The following CD2AP variants were observed in gnomAD, a reference collection of about 807,000 sequenced individuals.
The protein encoded by CD2AP is CD2-associated protein.
A neutral mutation model predicts 85.1 loss-of-function variants in CD2AP; 46 were observed. That is an observed-to-expected ratio of 0.54 (90% CI 0.43 to 0.69). The LOEUF (loss-of-function observed/expected upper bound fraction) is 0.69. Among genes scored for constraint, CD2AP ranks in the 30% least tolerant of loss-of-function variants. The pLI, the probability that CD2AP is intolerant of heterozygous loss-of-function variation, is 0.00. For missense variants in CD2AP, 769 were observed against 729.5 expected, an observed-to-expected ratio of 1.05 and a Z score of -0.62; for synonymous variants, 255 against 252.9, an observed-to-expected ratio of 1.01 and a Z score of -0.08.
At chr6:47,593,329 AT>A (rs1248714258) in intron 11 of CD2AP, among the ~76,000 whole-genome samples, 2 of 152,188 alleles carry the variant, frequency 1.3e-5, no homozygotes, top group Non-Finnish European at 2.9e-5. Flanking sequence ...GAGAAATCTT[AT>A]GAGATTTGCA....
chr6:47,478,884 G>GAGC (rs1352810325), intron 1 of CD2AP, among the ~76,000 whole-genome samples: 1 of 152,134 alleles, frequency 6.6e-6, no homozygotes, highest in Non-Finnish European at 1.5e-5. Flanking sequence ...ATCCTTTGAG[G>GAGC]AGCAGTTTCC....
At chr6:47,572,279 G>A (rs1325715976) in intron 5 of CD2AP, among the ~76,000 whole-genome samples, 5 of 152,210 alleles carry the variant, frequency 3.3e-5, no homozygotes, top group Non-Finnish European at 7.3e-5. Flanking sequence ...GATCCACTGC[G>A]ATGGTGTACA....
At chr6:47,598,450 A>G (rs1769009609) in intron 12 of CD2AP, among the ~76,000 whole-genome samples, 1 of 151,082 alleles carries the variant, frequency 6.6e-6, no homozygotes, top group South Asian at 2.1e-4. Flanking sequence ...TAACTTGCAC[A>G]TGCATGTTTA....
intron 5 of CD2AP, among the ~76,000 whole-genome samples, chr6:47,559,257 A>AT (rs76704002): frequency 0.024 from 3,120 of 130,604 alleles, 57 homozygotes; most frequent in Middle Eastern, 0.056. Context: ...GTTTCGTGCA[A>AT]TTTTTTTTTT....
chr6:47,524,610 GT>G (rs66491194), intron 2 of CD2AP, among the ~76,000 whole-genome samples: 3 of 133,288 alleles, frequency 2.3e-5, no homozygotes, highest in East Asian at 2.0e-4. Flanking sequence ...GTTCTTAAGT[GT>G]TTTTTTTTCC....
At chr6:47,514,811 GGAGGCCAAGGCAGGTGGATCACCT>G (rs1766411788) in intron 2 of CD2AP, among the ~76,000 whole-genome samples, 2 of 152,112 alleles carry the variant, frequency 1.3e-5, no homozygotes, top group African/African-American at 4.8e-5. Flanking sequence ...CACCCTTTTG[GGAGGCCAAGGCAGGTGGATCACCT>G]GAGGTCAGGA....
chr6:47,582,780 G>GTTTTT (rs372960999), intron 11 of CD2AP, among the ~76,000 whole-genome samples: 2 of 136,824 alleles, frequency 1.5e-5, no homozygotes, highest in Non-Finnish European at 1.5e-5. Context: ...TGTTTTTTTT[G>GTTTTT]TTTTTTTTTG....
chr6:47,512,475 G>A (rs945968855), intron 2 of CD2AP, among the ~76,000 whole-genome samples: 1 of 152,244 alleles, frequency 6.6e-6, no homozygotes, highest in African/African-American at 2.4e-5. Flanking sequence ...GAAGAACAAT[G>A]ATAGTCAAAT....
At chr6:47,543,254 G>T (rs1399793967) in intron 3 of CD2AP, among the ~76,000 whole-genome samples, 1 of 151,410 alleles carries the variant, frequency 6.6e-6, no homozygotes, top group Non-Finnish European at 1.5e-5. Flanking sequence ...AGTTGAAGGT[G>T]GGCTTCGTGG....
intron 11 of CD2AP, among the ~76,000 whole-genome samples, chr6:47,589,450 AT>A (rs1768719410): frequency 6.6e-6 from 1 of 151,084 alleles, no homozygotes; most frequent in South Asian, 2.1e-4. Flanking sequence ...ACACACACAA[AT>A]ATATATACAT....
intron 11 of CD2AP, among the ~76,000 whole-genome samples, chr6:47,584,925 C>A (rs1768580094): frequency 6.6e-6 from 1 of 151,962 alleles, no homozygotes; most frequent in Non-Finnish European, 1.5e-5. Context: ...AATCATGTCA[C>A]CAGTTAGTCA....
intron 1 of CD2AP, among the ~76,000 whole-genome samples, chr6:47,491,187 C>T (rs2113967194): frequency 6.6e-6 from 1 of 151,414 alleles, no homozygotes; most frequent in African/African-American, 2.4e-5. Flanking sequence ...ATGGTAAAGC[C>T]TTTTTGTTTG....
At chr6:47,578,138 A>G (rs974684365) in intron 8 of CD2AP, among the ~76,000 whole-genome samples, 5 of 152,078 alleles carry the variant, frequency 3.3e-5, no homozygotes, top group Non-Finnish European at 5.9e-5. Flanking sequence ...GATTACACCT[A>G]ATTTTTCATG....
At chr6:47,596,565 C>A (rs1768955872) in intron 12 of CD2AP, among the ~76,000 whole-genome samples, 1 of 151,992 alleles carries the variant, frequency 6.6e-6, no homozygotes, top group South Asian at 2.1e-4. Context: ...CCTCCAGATT[C>A]GTCGATGATG....
At chr6:47,592,943 A>C (rs1768842602) in intron 11 of CD2AP, among the ~76,000 whole-genome samples, 1 of 152,148 alleles carries the variant, frequency 6.6e-6, no homozygotes, top group Admixed American at 6.6e-5. Context: ...TGATCATGGG[A>C]ATCCCCAATT....
intron 1 of CD2AP, among the ~76,000 whole-genome samples, chr6:47,497,002 TC>T (rs1484294731): frequency 1.3e-5 from 2 of 152,320 alleles, no homozygotes; most frequent in African/African-American, 4.8e-5. Flanking sequence ...CAATTCTTTT[TC>T]GGAATTATTA....
intron 2 of CD2AP, among the ~76,000 whole-genome samples, chr6:47,507,577 CT>C (rs1562008207): frequency 6.6e-6 from 1 of 152,078 alleles, no homozygotes; most frequent in Admixed American, 6.5e-5. Context: ...CTTGCCTCCC[CT>C]TGGATTACAG....
In CD2AP at chr6:47,478,225, TC is replaced by T; in HGVS notation, c.-16del. 1 of 1,567,894 alleles carries T rather than the reference TC, an allele frequency of 6.4e-7. No individual in the cohort carries two copies. The highest frequency in any genetic ancestry group is 1.9e-5 in the Admixed American group (1 of 53,292). Reference sequence around the variant, plus strand: ...AGGAGGAGGAGCGGACGTCGGCTTCTCCCCGCGGGAGCCCCCAGCATGGGTA... The same window carrying T: ...AGGAGGAGGAGCGGACGTCGGCTTCTCCCGCGGGAGCCCCCAGCATGGGTA... On this transcript the variant is annotated 5_prime_UTR_variant, in exon 1 of 18. Coordinates refer to ENST00000359314, the MANE Select transcript of CD2AP (RefSeq NM_012120.3).
In CD2AP at chr6:47,573,650, G is replaced by A. The variant is rs537515774; in HGVS notation, c.542-414G>A. Among the ~76,000 whole-genome samples the A allele has an allele frequency of 2.3e-4, 35 of 151,770 alleles. 1 individual carries two copies. The highest frequency in any genetic ancestry group is 4.3e-4 in the Non-Finnish European group (29 of 67,940). On this transcript the variant is annotated intron_variant, in intron 5 of 17. Coordinates refer to ENST00000359314, the MANE Select transcript of CD2AP (RefSeq NM_012120.3). ...ACTACAGGCACCTGCCACCATGCCC[G>A]GCTAATTTTTTTATATTTTTAGTGG...
Sources: gnomAD v4.1 joint callset for allele counts (sites outside exome capture counted in the v4.1 genomes callset) on GRCh38, gnomAD v4.1.1 for gene constraint, MANE v1.5 for transcripts, NCBI Gene and HGNC (gene_info 2026-07-23, HGNC 2026-07-21) for gene names.